Variants in RIMS2 observed in about 807,000 individuals in gnomAD.
The protein encoded by RIMS2 is regulating synaptic membrane exocytosis protein 2.
A neutral mutation model predicts 174.4 loss-of-function variants in RIMS2; 59 were observed. That is an observed-to-expected ratio of 0.34 (90% CI 0.27 to 0.42). RIMS2 has a LOEUF of 0.42. Among genes scored for constraint, RIMS2 ranks in the 10% least tolerant of loss-of-function variants. The probability of loss-of-function intolerance (pLI) is 1.00; values close to 1 mark genes in which losing one functional copy is unlikely to be tolerated. For synonymous variants in RIMS2, 606 were observed against 572.5 expected (o/e 1.06, Z -0.84); for missense variants, 1,620 against 1,666.3 (o/e 0.97, Z 0.48).
rs1554653342 is a variant in RIMS2, at chr8:103,587,409, G to GAAA, written c.176+86349_176+86350insAAA. Among the ~76,000 whole-genome samples the GAAA allele has an allele frequency of 5.1e-5, 6 of 117,148 alleles. No individual in the cohort carries two copies. The South Asian group carries it at 1.7e-3, about 33-fold the overall frequency. 76.9% of individuals were successfully genotyped at this position (117,148 alleles called of 152,430 possible). A position where few individuals can be genotyped will look rare whatever the true frequency, so the allele number is the denominator to read the frequency against. On this transcript the variant is annotated intron_variant, in intron 1 of 23. Transcript: ENST00000504942. ...CCAAAGACACATCAGGAAGAAAAAAGAAGAAAGAAAGAAAGAAAGAAAGAA... is the reference window on the plus strand; with the variant it reads ...CCAAAGACACATCAGGAAGAAAAAAGAAAAAGAAAGAAAGAAAGAAAGAAAGAA...
intron 2 of RIMS2, among the ~76,000 whole-genome samples, chr8:103,711,913 T>C (rs569254805): frequency 6.6e-6 from 1 of 151,716 alleles, no homozygotes; most frequent in East Asian, 1.9e-4. Context: ...TATATATATA[T>C]ATCACACTTT....
chr8:103,728,748 C>CTTTTTTTTTTTTTTTT (rs71575982), intron 2 of RIMS2, among the ~76,000 whole-genome samples: 8 of 92,656 alleles, frequency 8.6e-5, no homozygotes, highest in South Asian at 3.5e-4. Context: ...TATGCTCCTT[C>CTTTTTTTTTTTTTTTT]TTTTTTTTTT....
Position 103,778,064 on chromosome 8 carries a change from T to G in RIMS2, c.698+11527T>G, listed in dbSNP as rs920964950. Among the ~76,000 whole-genome samples, 8 of 152,078 alleles carry G rather than the reference T, an allele frequency of 5.3e-5. No individual in the cohort carries two copies. In the South Asian group the frequency reaches 1.7e-3, roughly 32 times the overall value. On this transcript the variant is annotated intron_variant, in intron 3 of 23. Transcript: ENST00000504942. ...TGACATTTTTAAAAAGTTTGTTACT[T>G]TTCTTCATAGGTTAGAAGTAAAAAA...
At chr8:104,251,032 G>T in exon 23 of RIMS2, 1 of 1,613,134 alleles carries the variant, frequency 6.2e-7, no homozygotes, top group Non-Finnish European at 8.5e-7. Flanking sequence ...AGCACCGTAT[G>T]TAAAAGTGTA....
intron 19 of RIMS2, among the ~76,000 whole-genome samples, chr8:104,067,153 C>T (rs1000742048): frequency 1.3e-5 from 2 of 152,052 alleles, no homozygotes; most frequent in African/African-American, 2.4e-5. Flanking sequence ...AATAGGCACG[C>T]TTACGTCTAG....
intron 15 of RIMS2, among the ~76,000 whole-genome samples, chr8:103,968,194 A>G (rs1050936375): frequency 2.6e-5 from 4 of 151,990 alleles, no homozygotes; most frequent in Admixed American, 6.5e-5. Context: ...TAGTGTTACC[A>G]TAGTACATTT....
intron 1 of RIMS2, among the ~76,000 whole-genome samples, chr8:103,520,145 C>T (rs1830937341): frequency 1.3e-5 from 2 of 152,000 alleles, no homozygotes; most frequent in African/African-American, 4.8e-5. Flanking sequence ...GTCTCTTTAT[C>T]TATAAATTAA....
intron 16 of RIMS2, among the ~76,000 whole-genome samples, chr8:103,981,347 A>G (rs908866804): frequency 1.3e-5 from 2 of 152,178 alleles, no homozygotes; most frequent in Non-Finnish European, 2.9e-5. Flanking sequence ...TGGTACCTCT[A>G]TGAGTCTGCA....
At chr8:103,609,019 C>A (rs1418131652) in intron 1 of RIMS2, among the ~76,000 whole-genome samples, 2 of 152,090 alleles carry the variant, frequency 1.3e-5, no homozygotes, top group African/African-American at 4.8e-5. Flanking sequence ...CTCCTCCCTC[C>A]CATTTTTTGA....
chr8:103,964,743 C>G (rs147335560), intron 15 of RIMS2, among the ~76,000 whole-genome samples: 1 of 152,036 alleles, frequency 6.6e-6, no homozygotes. Flanking sequence ...TATTGCCATA[C>G]CCAAGGTTAT....
At chr8:103,879,149 T>C (rs2099155818) in intron 3 of RIMS2, among the ~76,000 whole-genome samples, 1 of 150,500 alleles carries the variant, frequency 6.6e-6, no homozygotes, top group African/African-American at 2.4e-5. Flanking sequence ...GAAAGATCAG[T>C]AGAGAGTGAA....
intron 1 of RIMS2, among the ~76,000 whole-genome samples, chr8:103,532,866 CAAAA>C (rs886398399): frequency 5.3e-5 from 8 of 151,018 alleles, no homozygotes; most frequent in African/African-American, 1.9e-4. Flanking sequence ...AACAAAAAAA[CAAAA>C]AAAGAAAAAA....
intron 19 of RIMS2, among the ~76,000 whole-genome samples, chr8:104,117,266 A>G (rs1362313907): frequency 2.0e-5 from 3 of 152,158 alleles, no homozygotes; most frequent in African/African-American, 4.8e-5. Flanking sequence ...CACAGTGTGT[A>G]TTTTAGCATG....
In RIMS2 at chr8:103,853,086, G is replaced by GT. The variant is rs201283461; in HGVS notation, c.699-32205dup. Among the ~76,000 whole-genome samples, 133 of 151,632 alleles carry GT rather than the reference G, an allele frequency of 8.8e-4. 2 individuals are homozygous for GT. The East Asian group carries it at 0.025, about 29-fold the overall frequency. ...AAAAAATCTGGGGTTTTTTTTGTTTGTTTTTTTACTTTTTAATAATAACCA... is the reference window on the plus strand; with the variant it reads ...AAAAAATCTGGGGTTTTTTTTGTTTGTTTTTTTTACTTTTTAATAATAACCA... On this transcript the variant is annotated intron_variant, in intron 3 of 23. Coordinates refer to ENST00000504942, the Ensembl canonical transcript of RIMS2.
intron 1 of RIMS2, among the ~76,000 whole-genome samples, chr8:103,580,768 A>T (rs1462175407): frequency 6.6e-6 from 1 of 151,836 alleles, no homozygotes; most frequent in Non-Finnish European, 1.5e-5. Context: ...ACATTTAAAG[A>T]TGAACTAATA....
intron 1 of RIMS2, among the ~76,000 whole-genome samples, chr8:103,613,628 C>T (rs919781771): frequency 4.6e-5 from 7 of 152,162 alleles, no homozygotes; most frequent in Non-Finnish European, 8.8e-5. Flanking sequence ...AGAAGTATTT[C>T]ACTATAGCCA....
At chr8:103,943,628 T>C (rs535392511) in intron 14 of RIMS2, among the ~76,000 whole-genome samples, 2 of 152,290 alleles carry the variant, frequency 1.3e-5, no homozygotes, top group African/African-American at 4.8e-5. Context: ...ACTCCATAGA[T>C]GCTTAAAATA....
At chr8:104,109,507 G>A (rs1274774884) in intron 19 of RIMS2, among the ~76,000 whole-genome samples, 1 of 150,520 alleles carries the variant, frequency 6.6e-6, no homozygotes, top group Non-Finnish European at 1.5e-5. Flanking sequence ...TTTTTAGAGG[G>A]TTGTCATGAG....
At chr8:103,505,339 G>A (rs571204199) in intron 1 of RIMS2, among the ~76,000 whole-genome samples, 2 of 152,194 alleles carry the variant, frequency 1.3e-5, no homozygotes, top group South Asian at 2.1e-4. Context: ...GGATGTAAAC[G>A]TAAAAACAGA....
Sources: gnomAD v4.1 joint callset for allele counts (sites outside exome capture counted in the v4.1 genomes callset) on GRCh38, gnomAD v4.1.1 for gene constraint, MANE v1.5 for transcripts, NCBI Gene and HGNC (gene_info 2026-07-23, HGNC 2026-07-21) for gene names.